The following ICE1 variants were observed in gnomAD, a reference collection of about 807,000 sequenced individuals.
The protein encoded by ICE1 is little elongation complex subunit 1.
Under a neutral mutation model 192.7 loss-of-function variants are expected in ICE1, and 64 were observed. The ratio of observed to expected loss-of-function variants is 0.33; its 90% confidence interval spans 0.27 to 0.41. The LOEUF (loss-of-function observed/expected upper bound fraction) is 0.41. Ranked by LOEUF, ICE1 falls within the 10% of genes least tolerant of loss-of-function variation. ICE1 has a pLI of 1.00. For missense variants in ICE1, 2,708 were observed against 2,696.0 expected (o/e 1.00, Z -0.10); for synonymous variants, 1,010 against 984.5 (o/e 1.03, Z -0.49).
chr5:5,461,830 AC>A lies in ICE1; in HGVS notation c.2499del (p.Lys834SerfsTer12). ...CATTCCTACAAAATAGAGGACCAAC[AC>A]CCAAGCCTGATCTTCTTAGAGAAAA... Reference protein sequence around the residue: ...MPFLQNRGPTPKPDLLRENNN... With the variant: ...MPFLQNRGPTXKPDLLRENNN... On this transcript the variant is annotated frameshift_variant, in exon 13 of 19. Transcript: ENST00000296564. LOFTEE classifies it high-confidence loss of function. The A allele has an allele frequency of 6.2e-7, 1 of 1,614,010 alleles. No individual in the cohort carries two copies. Among genetic ancestry groups the A allele is most frequent in the South Asian group, 1.1e-5 (1 of 91,082 alleles).
chr5:5,433,634 G>A (rs796838018), intron 1 of ICE1, among the ~76,000 whole-genome samples: 1 of 152,150 alleles, frequency 6.6e-6, no homozygotes, highest in African/African-American at 2.4e-5. Flanking sequence ...CAGAAATCTG[G>A]ATTAGGGCCC....
At chr5:5,439,797 G>A in intron 3 of ICE1, 98 bp from the exon 4 acceptor site, 1 of 780,854 alleles carries the variant, frequency 1.3e-6, no homozygotes, top group Non-Finnish European at 2.0e-6. Context: ...CTGTATATAT[G>A]TTGAACACAA....
At chr5:5,473,504 AG>A in intron 15 of ICE1, 53 bp from the exon 16 acceptor site, 4 of 1,441,146 alleles carry the variant, frequency 2.8e-6, no homozygotes, top group Non-Finnish European at 3.8e-6. Context: ...AACTAAGGTA[AG>A]ATGCATTCTA....
chr5:5,451,565 G>A (rs1277627655), intron 10 of ICE1, among the ~76,000 whole-genome samples: 1 of 152,092 alleles, frequency 6.6e-6, no homozygotes, highest in Non-Finnish European at 1.5e-5. Context: ...TAATTCACAA[G>A]TTCATATTCA....
At chr5:5,487,273 C>T (rs1739661924) in intron 18 of ICE1, among the ~76,000 whole-genome samples, 1 of 152,152 alleles carries the variant, frequency 6.6e-6, no homozygotes, top group Non-Finnish European at 1.5e-5. Flanking sequence ...ACCTTGTGAG[C>T]AAGGCTTCGT....
At chr5:5,457,247 T>C (rs1738612666) in intron 11 of ICE1, 85 bp from the exon 12 acceptor site, 3 of 1,304,664 alleles carry the variant, frequency 2.3e-6, no homozygotes, top group Admixed American at 5.7e-5. Flanking sequence ...TGAACTGTTG[T>C]AATAAGGTTT....
chr5:5,456,420 T>G (rs1252296645), intron 11 of ICE1, among the ~76,000 whole-genome samples: 1 of 152,216 alleles, frequency 6.6e-6, no homozygotes. Flanking sequence ...TTAATTGGAA[T>G]TCTTACGTAA....
Position 5,464,770 on chromosome 5 carries a change from C to G in ICE1, c.5436C>G (p.Ser1812Arg), listed in dbSNP as rs559707774. 14 of 1,613,766 alleles carry G rather than the reference C, an allele frequency of 8.7e-6. No individual in the cohort carries two copies. In the South Asian group the frequency reaches 1.5e-4, roughly 18 times the overall value. The change falls in exon 13 of 19, where the codon AGC (serine) becomes AGG (arginine). Residue 1812 changes from serine to arginine, a missense_variant. By Grantham distance (110) the Ser-to-Arg change is moderately radical. Coordinates refer to ENST00000296564, the MANE Select transcript of ICE1 (RefSeq NM_015325.3). The surrounding 1 kb of genome is among the most constrained non-coding windows in gnomAD (Gnocchi z 4.0). Reference sequence around the variant, plus strand: ...CTGCTTTTGTCAAAACTGGGAGCAGCTCTGGTGGTGACTGTAACCAAGACA... The same window carrying G: ...CTGCTTTTGTCAAAACTGGGAGCAGGTCTGGTGGTGACTGTAACCAAGACA... ...AATAFVKTGS[S>R]SGGDCNQDKS...
chr5:5,463,261 T>G lies in ICE1; in HGVS notation c.3927T>G (p.Thr1309=), dbSNP rs1308270543. The G allele has an allele frequency of 6.2e-7, 1 of 1,613,134 alleles. No homozygotes were observed. Among genetic ancestry groups the G allele is most frequent in the African/African-American group, 1.3e-5 (1 of 74,856 alleles). The change falls in exon 13 of 19, where the codon ACT becomes ACG. Residue 1309 remains threonine, a synonymous_variant. Transcript: ENST00000296564. Reference sequence around the variant, plus strand: ...AGAAAAGTCCATTTCGGGAAACGACTGGCTCCTCATCACATGCTTCAGAAC... The same window carrying G: ...AGAAAAGTCCATTTCGGGAAACGACGGGCTCCTCATCACATGCTTCAGAAC... The part of the protein sequence containing the change: ...LKEKSPFRET[T]GSSSHASEPT...
In ICE1 at chr5:5,463,499, G is replaced by C. The variant is rs746004062; in HGVS notation, c.4165G>C (p.Glu1389Gln). The C allele has an allele frequency of 6.2e-7, 1 of 1,613,256 alleles. No individual in the cohort carries two copies. Among genetic ancestry groups the C allele is most frequent in the South Asian group, 1.1e-5 (1 of 90,952 alleles). ...ATCCATAGAGCAAAGTTCTAACTGCGAGGCCGAAACAACATTTCAGTGTCA... is the reference window on the plus strand; with the variant it reads ...ATCCATAGAGCAAAGTTCTAACTGCCAGGCCGAAACAACATTTCAGTGTCA... Reference protein sequence around the residue: ...EPSIEQSSNCEAETTFQCQIA... With the variant: ...EPSIEQSSNCQAETTFQCQIA... The change falls in exon 13 of 19, where the codon GAG becomes CAG. Residue 1389 changes from glutamate (E) to glutamine (Q), a missense_variant. Glu to Gln is a conservative substitution (Grantham distance 29). This residue lies in a region of ICE1 where 2,366 missense variants were observed against 2,276.6 expected (regional missense o/e 1.04). Transcript: ENST00000296564.
In ICE1 at chr5:5,463,225, G is replaced by T; in HGVS notation, c.3891G>T (p.Glu1297Asp). ...ATGTAAATAACAACATGACCACTGA[G>T]AATTTAAAAGAGAAAAGTCCATTTC... The part of the protein sequence containing the change: ...LLNVNNNMTT[E>D]NLKEKSPFRE... Residue 1297 changes from glutamate to aspartate, a missense_variant, in exon 13 of 19, where the codon GAG becomes GAT. Glu to Asp is a conservative substitution (Grantham distance 45). Around this residue, in one of 2 missense-constraint regions of ICE1, gnomAD observed 2,366 missense variants for 2,276.6 expected, o/e 1.04. Coordinates refer to ENST00000296564, the MANE Select transcript of ICE1 (RefSeq NM_015325.3). 6.2e-7 allele frequency: 1 copy of T among 1,611,656 alleles called. No individual in the cohort carries two copies. The highest frequency in any genetic ancestry group is 1.3e-5 in the African/African-American group (1 of 75,004).
In ICE1 at chr5:5,462,667, T is replaced by A. The variant is rs750786842; in HGVS notation, c.3333T>A (p.Ser1111Arg). Residue 1111 changes from serine to arginine, a missense_variant, in exon 13 of 19, where the codon AGT becomes AGA. Physicochemically the swap from Ser to Arg is moderately radical, Grantham distance 110 (BLOSUM62 -1). Around this residue, in one of 2 missense-constraint regions of ICE1, gnomAD observed 2,366 missense variants for 2,276.6 expected, o/e 1.04. Transcript: ENST00000296564. The stretch of plus-strand genomic sequence containing the variant: ...GGGGAGACGACACTGAGGTAGAGAG[T>A]GAGGCATTTAGCTGCAGTGAGGGGA... ...REGGDDTEVE[S>R]EAFSCSEGSE... The A allele has an allele frequency of 9.9e-6, 16 of 1,613,632 alleles. No homozygotes were observed. The Admixed American group carries it at 2.3e-4, about 24-fold the overall frequency.
At chr5:5,479,342 A>T (rs1319308655) in intron 17 of ICE1, among the ~76,000 whole-genome samples, 1 of 152,248 alleles carries the variant, frequency 6.6e-6, no homozygotes, top group Non-Finnish European at 1.5e-5. Context: ...CATGAAAAAA[A>T]GCTCATCATT....
intron 16 of ICE1, among the ~76,000 whole-genome samples, chr5:5,474,132 C>G (rs1402554579): frequency 6.6e-6 from 1 of 151,768 alleles, no homozygotes; most frequent in Admixed American, 6.6e-5. Context: ...ATGGTGTGAG[C>G]CCGGGAGGCA....
rs769443486 is a variant in ICE1, at chr5:5,457,346, G to A, written c.706G>A (p.Ala236Thr). Reference protein sequence around the residue: ...SRCVPEKPAKAITSSRVPGED... With the variant: ...SRCVPEKPAKTITSSRVPGED... ...CCCCCACATAGAAAAACCTGCCAAA[G>A]CAATCACCAGCTCCAGAGTGCCTGG... The change falls in exon 12 of 19, where the codon GCA (alanine) becomes ACA (threonine). Residue 236 changes from alanine to threonine, a missense_variant. Physicochemically the swap from Ala to Thr is moderately conservative, Grantham distance 58. Transcript: ENST00000296564. 3.1e-6 allele frequency: 5 copies of A among 1,601,658 alleles called. No individual in the cohort carries two copies. In the South Asian group the frequency reaches 5.6e-5, roughly 18 times the overall value.
At position 5,425,532 on chromosome 5, in the gene ICE1, C is replaced by T. The variant is rs1459206730; in HGVS notation, c.84+2533C>T. The stretch of plus-strand genomic sequence containing the variant: ...CTATTGCATTTGGATTTTCTGTGGC[C>T]TGGAATTGGATTACCTTTTTAGGGG... On this transcript the variant is annotated intron_variant, in intron 1 of 18. Transcript: ENST00000296564. Among the ~76,000 whole-genome samples the T allele has an allele frequency of 2.6e-5, 4 of 152,152 alleles. No individual in the cohort carries two copies. The East Asian group carries it at 7.7e-4, about 29-fold the overall frequency.
At chr5:5,452,895 T>A (rs932668643) in intron 10 of ICE1, among the ~76,000 whole-genome samples, 2 of 152,136 alleles carry the variant, frequency 1.3e-5, no homozygotes, top group African/African-American at 4.8e-5. Flanking sequence ...TTTTAAAGGA[T>A]CAGGGAAAGT....
At chr5:5,445,759 G>GTC (rs1443557519) in intron 7 of ICE1, among the ~76,000 whole-genome samples, 1 of 150,488 alleles carries the variant, frequency 6.6e-6, no homozygotes, top group East Asian at 1.9e-4. Context: ...TTGAGAGGAA[G>GTC]TCTCGCTCTG....
chr5:5,489,390 A>G lies in ICE1; in HGVS notation c.*60A>G, dbSNP rs1334106507. On this transcript the variant is annotated 3_prime_UTR_variant, in exon 19 of 19. Transcript: ENST00000296564. The stretch of plus-strand genomic sequence containing the variant: ...ACACATTTTGAACACAAATAGTTTG[A>G]TCAGCTTTCAGAATACAAAGGGAGG... The G allele has an allele frequency of 7.1e-7, 1 of 1,415,934 alleles. No individual in the cohort carries two copies. The highest frequency in any genetic ancestry group is 9.5e-7 in the Non-Finnish European group (1 of 1,053,600). 87.7% of individuals were successfully genotyped at this position (1,415,934 alleles called of 1,614,324 possible).
Sources: gnomAD v4.1 joint callset for allele counts (sites outside exome capture counted in the v4.1 genomes callset) on GRCh38, gnomAD v4.1.1 for gene constraint, gnomAD v4.1.1 regional missense constraint, Gnocchi (gnomAD v3.1) non-coding constraint, MANE v1.5 for transcripts, NCBI Gene and HGNC (gene_info 2026-07-23, HGNC 2026-07-21) for gene names.